Variants in NPAP1 observed in about 807,000 individuals in gnomAD.
The protein encoded by NPAP1 is nuclear pore-associated protein 1.
For missense variants in NPAP1, 1,483 were observed against 1,454.5 expected, an observed-to-expected ratio of 1.02 and a Z score of -0.32; for synonymous variants, 616 against 581.4, an observed-to-expected ratio of 1.06 and a Z score of -0.86.
Position 24,677,066 on chromosome 15 carries a change from C to A in NPAP1, c.1199C>A (p.Ser400Tyr), listed in dbSNP as rs2141309489. Reference sequence around the variant, plus strand: ...AGCAGCATCACCCAGCCTGCCCCTTCTTTCTCCCAACCTGTGCAGACCACA... The same window carrying A: ...AGCAGCATCACCCAGCCTGCCCCTTATTTCTCCCAACCTGTGCAGACCACA... ...TNSSITQPAP[S>Y]FSQPVQTTDS... The change falls in exon 1 of 1, where the codon TCT becomes TAT. Residue 400 changes from serine (S) to tyrosine (Y), a missense_variant. Physicochemically the swap from Ser to Tyr is moderately radical, Grantham distance 144. Coordinates refer to ENST00000329468, the MANE Select transcript of NPAP1 (RefSeq NM_018958.3). 7 of 1,614,114 alleles carry A rather than the reference C, an allele frequency of 4.3e-6. No individual in the cohort carries two copies. The highest frequency in any genetic ancestry group is 5.9e-6 in the Non-Finnish European group (7 of 1,180,038).
In NPAP1 at chr15:24,678,170, C is replaced by G. The variant is rs2141312007; in HGVS notation, c.2303C>G (p.Ala768Gly). The G allele has an allele frequency of 6.2e-7, 1 of 1,613,600 alleles. No individual in the cohort carries two copies. The highest frequency in any genetic ancestry group is 8.5e-7 in the Non-Finnish European group (1 of 1,179,934). Residue 768 changes from alanine to glycine, a missense_variant, in exon 1 of 1, where the codon GCC becomes GGC. Transcript: ENST00000329468. ...TCCAACCATCCTTTAAATCCAGGAGCCACCCCTCAACCCAAATTTGGGGCC... is the reference window on the plus strand; with the variant it reads ...TCCAACCATCCTTTAAATCCAGGAGGCACCCCTCAACCCAAATTTGGGGCC... ...TASNHPLNPG[A>G]TPQPKFGAPD...
In NPAP1 at chr15:24,681,674, G is replaced by T. The variant is rs1415882272; in HGVS notation, c.*2336G>T. 6.0e-6 allele frequency: 1 copy of T among 166,896 alleles called. No individual in the cohort carries two copies. The highest frequency in any genetic ancestry group is 6.6e-5 in the Admixed American group (1 of 15,264). The allele number at this position is 166,896 out of a possible 1,614,324, so 10.3% of individuals were successfully genotyped here. On this transcript the variant is annotated 3_prime_UTR_variant, in exon 1 of 1. Coordinates refer to ENST00000329468, the MANE Select transcript of NPAP1 (RefSeq NM_018958.3). ...AAGAAACAGAATTTGTCTTTATCTT[G>T]GACTTCCTAACCTTTAGAATTGTAG...
In NPAP1 at chr15:24,677,785, G is replaced by A. The variant is rs144839857; in HGVS notation, c.1918G>A (p.Gly640Arg). Residue 640 changes from glycine to arginine, a missense_variant, in exon 1 of 1, where the codon GGA (glycine) becomes AGA (arginine). Coordinates refer to ENST00000329468, the MANE Select transcript of NPAP1 (RefSeq NM_018958.3). ...CACCCCAAGTTTTAACCAACTCTTT[G>A]GAAAAGAAGCCACCCCTCAGCCCAA... ...NTTPSFNQLFGKEATPQPKFE... is the reference protein window; with the variant it reads ...NTTPSFNQLFRKEATPQPKFE... The A allele has an allele frequency of 2.5e-4, 402 of 1,614,076 alleles. 4 individuals carry two copies. In the Middle Eastern group the frequency reaches 3.3e-3, roughly 13 times the overall value.
Position 24,682,438 on chromosome 15 carries a change from G to T in NPAP1, c.*3100G>T, listed in dbSNP as rs1195782634. ...GGTAAGACAAACTTTGAATAAATGT[G>T]TGAGAGATACAAAGATAATTTTTGT... On this transcript the variant is annotated 3_prime_UTR_variant, in exon 1 of 1. Transcript: ENST00000329468. 6.0e-6 allele frequency: 1 copy of T among 166,578 alleles called. No homozygotes were observed. The highest frequency in any genetic ancestry group is 2.4e-5 in the African/African-American group (1 of 41,454). 10.3% of individuals were successfully genotyped at this position (166,578 alleles called of 1,614,324 possible).
Position 24,677,038 on chromosome 15 carries a change from A to G in NPAP1, c.1171A>G (p.Asn391Asp), listed in dbSNP as rs2141309418. 1 of 1,613,950 alleles carries G rather than the reference A, an allele frequency of 6.2e-7. No individual in the cohort carries two copies. The highest frequency in any genetic ancestry group is 8.5e-7 in the Non-Finnish European group (1 of 1,180,004). ...GGAGGATAAAACAGAGACCATGACA[A>G]ACAGCAGCATCACCCAGCCTGCCCC... is the stretch of plus-strand genomic sequence containing the variant. ...ILEDKTETMT[N>D]SSITQPAPSF... is the part of the protein sequence containing the mutation. The change falls in exon 1 of 1, where the codon AAC (asparagine) becomes GAC (aspartate). Residue 391 changes from asparagine to aspartate, a missense_variant. By Grantham distance (23) the Asn-to-Asp change is conservative. Transcript: ENST00000329468.
Position 24,677,674 on chromosome 15 carries a change from T to G in NPAP1, c.1807T>G (p.Ser603Ala). The change falls in exon 1 of 1, where the codon TCC becomes GCC. Residue 603 changes from serine to alanine, a missense_variant. By Grantham distance (99) the Ser-to-Ala change is moderately conservative. Transcript: ENST00000329468. The part of the protein sequence containing the change: ...LSSRVSSLPN[S>A]QIHCSAEQRH... ...CTCCAGAGTGAGCTCTCTCCCAAAT[T>G]CCCAAATACATTGCAGTGCAGAGCA... 6.2e-7 allele frequency: 1 copy of G among 1,613,982 alleles called. No homozygotes were observed. The highest frequency in any genetic ancestry group is 8.5e-7 in the Non-Finnish European group (1 of 1,179,980).
At position 24,678,315 on chromosome 15, in the gene NPAP1, C is replaced by G. The variant is rs2048991823; in HGVS notation, c.2448C>G (p.Ser816=). Residue 816 remains serine, a synonymous_variant, in exon 1 of 1, where the codon TCC becomes TCG. Transcript: ENST00000329468. ...LVSSASAASL[S]KPAIDTSDMN... is the part of the protein sequence containing the mutation. The stretch of plus-strand genomic sequence containing the variant: ...GCAGTGCCTCTGCAGCATCGTTATC[C>G]AAGCCTGCCATTGACACCAGTGACA... 3 of 1,614,104 alleles carry G rather than the reference C, an allele frequency of 1.9e-6. No homozygotes were observed. The East Asian group carries it at 6.7e-5, about 36-fold the overall frequency.
At position 24,678,250 on chromosome 15, in the gene NPAP1, C is replaced by T. The variant is rs2048991285; in HGVS notation, c.2383C>T (p.Leu795Phe). 1 of 1,613,580 alleles carries T rather than the reference C, an allele frequency of 6.2e-7. No individual in the cohort carries two copies. Among genetic ancestry groups the T allele is most frequent in the Non-Finnish European group, 8.5e-7 (1 of 1,179,824 alleles). ...SLPSAHDFLSLPIMVPPDTST... is the reference protein window; with the variant it reads ...SLPSAHDFLSFPIMVPPDTST... ...CCCCAGTGCCCATGATTTCCTGAGC[C>T]TTCCTATCATGGTTCCTCCAGACAC... is the stretch of plus-strand genomic sequence containing the variant. The change falls in exon 1 of 1, where the codon CTT (leucine) becomes TTT (phenylalanine). Residue 795 changes from leucine (L) to phenylalanine (F), a missense_variant. Leu to Phe is a conservative substitution (Grantham distance 22). Transcript: ENST00000329468.
rs2141308753 is a variant in NPAP1 at position 24,676,770 on chromosome 15, G to T, written c.903G>T (p.Arg301Ser). ...GLPIPLMSGK[R>S]MPDEKPFCIP... ...CGATTCCGCTGATGTCCGGAAAGAG[G>T]ATGCCTGATGAGAAGCCTTTCTGTA... The change falls in exon 1 of 1, where the codon AGG (arginine) becomes AGT (serine). Residue 301 changes from arginine (R) to serine (S), a missense_variant. Arg to Ser is a moderately radical substitution (Grantham distance 110, BLOSUM62 -1). Transcript: ENST00000329468. 1 of 1,613,744 alleles carries T rather than the reference G, an allele frequency of 6.2e-7. No individual in the cohort carries two copies. The highest frequency in any genetic ancestry group is 8.5e-7 in the Non-Finnish European group (1 of 1,180,028).
Position 24,676,854 on chromosome 15 carries a change from A to G in NPAP1, c.987A>G (p.Lys329=), listed in dbSNP as rs549847905. The G allele has an allele frequency of 3.1e-6, 5 of 1,613,180 alleles. 1 individual carries two copies. The highest frequency in any genetic ancestry group is 4.2e-6 in the Non-Finnish European group (5 of 1,179,986). ...CCCGCAACAGGCCCTGCAAAAGGAA[A>G]ATGTCGATTCCATTGCTGCTGCCGC... The part of the protein sequence containing the change: ...RAARNRPCKR[K]MSIPLLLPLP... Residue 329 remains lysine, a synonymous_variant, in exon 1 of 1, where the codon AAA becomes AAG. Coordinates refer to ENST00000329468, the MANE Select transcript of NPAP1 (RefSeq NM_018958.3).
chr15:24,678,945 C>T lies in NPAP1; in HGVS notation c.3078C>T (p.Ala1026=), dbSNP rs1000262238. Residue 1026 remains alanine, a synonymous_variant, in exon 1 of 1, where the codon GCC becomes GCT. Coordinates refer to ENST00000329468, the MANE Select transcript of NPAP1 (RefSeq NM_018958.3). ...GGAGCATTGGGTTCAGCATGTCTGC[C>T]CCAGGCCCCAGTTCCACATCAGGAG... The part of the protein sequence containing the change: ...DGGSIGFSMS[A]PGPSSTSGEL... 7 of 1,613,974 alleles carry T rather than the reference C, an allele frequency of 4.3e-6. No homozygotes were observed. In the South Asian group the frequency reaches 4.4e-5, roughly 10 times the overall value.
rs2049005065 is a variant in NPAP1, at chr15:24,679,721, G to C, written c.*383G>C. On this transcript the variant is annotated 3_prime_UTR_variant, in exon 1 of 1. Transcript: ENST00000329468. ...CCTCATGTGCCCATGTATCAGCAAA[G>C]CACCTGGGGCCCACCTGGACAAAGC... 1 of 222,342 alleles carries C rather than the reference G, an allele frequency of 4.5e-6. No individual in the cohort carries two copies. Among genetic ancestry groups the C allele is most frequent in the Non-Finnish European group, 9.8e-6 (1 of 102,032 alleles). 13.8% of individuals were successfully genotyped at this position (222,342 alleles called of 1,614,324 possible).
At chr15:24,678,797 CA>C in the NPAP1 span, 1 of 1,614,216 alleles carries the variant, frequency 6.2e-7, no homozygotes, top group Non-Finnish European at 8.5e-7. Context: ...AATGGCACAG[CA>C]AAGACTTCTG....
Position 24,679,987 on chromosome 15 carries a change from GTTT to G in NPAP1, c.*650_*652del, listed in dbSNP as rs771329856. The G allele has an allele frequency of 6.7e-3, 714 of 106,136 alleles. 2 individuals are homozygous for G. The highest frequency in any genetic ancestry group is 0.033 in the African/African-American group (655 of 19,632). 6.6% of individuals were successfully genotyped at this position (106,136 alleles called of 1,614,324 possible). On this transcript the variant is annotated 3_prime_UTR_variant, in exon 1 of 1. Coordinates refer to ENST00000329468, the MANE Select transcript of NPAP1 (RefSeq NM_018958.3). Reference sequence around the variant, plus strand: ...ACCAGCATTGTTTTTGTTTTGGTTTGTTTGTTTGTTTGTTTGTTTGTTTGTTTG... The same window carrying G: ...ACCAGCATTGTTTTTGTTTTGGTTTGGTTTGTTTGTTTGTTTGTTTGTTTG...
chr15:24,678,872 T>A lies in NPAP1; in HGVS notation c.3005T>A (p.Ile1002Asn), dbSNP rs776889783. ...AGTACCTTACTGGTTGGAAATACTATTCCAGGCCCACAAGTGATTATGGGA... is the reference window on the plus strand; with the variant it reads ...AGTACCTTACTGGTTGGAAATACTAATCCAGGCCCACAAGTGATTATGGGA... ...GDSTLLVGNT[I>N]PGPQVIMGPG... Residue 1002 changes from isoleucine to asparagine, a missense_variant, in exon 1 of 1, where the codon ATT becomes AAT. Transcript: ENST00000329468. The A allele has an allele frequency of 6.2e-7, 1 of 1,614,208 alleles. No individual in the cohort carries two copies. Among genetic ancestry groups the A allele is most frequent in the South Asian group, 1.1e-5 (1 of 91,086 alleles).
rs2141307011 is a variant in NPAP1, at chr15:24,675,980, C to T, written c.113C>T (p.Ala38Val). The change falls in exon 1 of 1, where the codon GCT becomes GTT. Residue 38 changes from alanine to valine, a missense_variant. Ala to Val is a moderately conservative substitution (Grantham distance 64). Transcript: ENST00000329468. The part of the protein sequence containing the change: ...LSRDASPPGR[A>V]HSVPTPRPFR... ...CGGGACGCCTCCCCGCCCGGTCGGG[C>T]TCACTCTGTACCCACCCCGCGCCCT... 3 of 1,599,876 alleles carry T rather than the reference C, an allele frequency of 1.9e-6. No homozygotes were observed. The highest frequency in any genetic ancestry group is 2.6e-6 in the Non-Finnish European group (3 of 1,174,672).
chr15:24,678,965 CAGG>C lies in NPAP1; in HGVS notation c.3101_3103del (p.Gly1034del), dbSNP rs778340041. 7 of 1,614,146 alleles carry C rather than the reference CAGG, an allele frequency of 4.3e-6. No homozygotes were observed. The highest frequency in any genetic ancestry group is 5.9e-6 in the Non-Finnish European group (7 of 1,180,030). ...TCTGCCCCAGGCCCCAGTTCCACAT[CAGG>C]AGAACTCAACATTGGACAAGGACAG... On this transcript the variant is annotated inframe_deletion, in exon 1 of 1. Coordinates refer to ENST00000329468, the MANE Select transcript of NPAP1 (RefSeq NM_018958.3).
Position 24,679,192 on chromosome 15 carries a change from T to C in NPAP1, c.3325T>C (p.Ser1109Pro), listed in dbSNP as rs1362297099. 1 of 1,614,092 alleles carries C rather than the reference T, an allele frequency of 6.2e-7. No individual in the cohort carries two copies. Among genetic ancestry groups the C allele is most frequent in the Non-Finnish European group, 8.5e-7 (1 of 1,180,046 alleles). Residue 1109 changes from serine to proline, a missense_variant, in exon 1 of 1, where the codon TCC becomes CCC. Physicochemically the swap from Ser to Pro is moderately conservative, Grantham distance 74. Coordinates refer to ENST00000329468, the MANE Select transcript of NPAP1 (RefSeq NM_018958.3). ...TGGTATGGGAGGGGATGGCACCAGATCCATAGTTGGAGGCCCTTGTGTTCC... is the reference window on the plus strand; with the variant it reads ...TGGTATGGGAGGGGATGGCACCAGACCCATAGTTGGAGGCCCTTGTGTTCC... ...CSGMGGDGTR[S>P]IVGGPCVPAF...
chr15:24,677,842 G>C lies in NPAP1; in HGVS notation c.1975G>C (p.Ala659Pro), dbSNP rs778921793. 12 of 1,613,156 alleles carry C rather than the reference G, an allele frequency of 7.4e-6. No individual in the cohort carries two copies. The East Asian group carries it at 2.5e-4, about 33-fold the overall frequency. ...FEAPDGQPQK[A>P]SLPSACVFLS... The stretch of plus-strand genomic sequence containing the variant: ...GGCTCCTGATGGGCAGCCGCAGAAA[G>C]CTTCTCTCCCCAGTGCCTGTGTTTT... Residue 659 changes from alanine to proline, a missense_variant, in exon 1 of 1, where the codon GCT (alanine) becomes CCT (proline). Ala to Pro is a conservative substitution (Grantham distance 27, BLOSUM62 -1). Coordinates refer to ENST00000329468, the MANE Select transcript of NPAP1 (RefSeq NM_018958.3).
Sources: allele counts gnomAD v4.1 joint callset, GRCh38; gene constraint gnomAD v4.1.1; transcripts MANE v1.5; gene names NCBI Gene and HGNC (gene_info 2026-07-23, HGNC 2026-07-21).